HHLA1: variants seen among roughly 807,000 people sequenced by gnomAD.
HHLA1 encodes HERV-H LTR-associating protein 1.
A neutral mutation model predicts 69.9 loss-of-function variants in HHLA1; 72 were observed. The observed-to-expected ratio is 1.03, with a 90% CI of 0.85 to 1.25. HHLA1 has a LOEUF of 1.25. Among genes scored for constraint, HHLA1 ranks in the 50% most tolerant of loss-of-function variants. HHLA1 has a pLI of 0.00. For missense variants in HHLA1, 685 were observed against 642.2 expected (o/e 1.07, Z -0.72); for synonymous variants, 252 against 233.2 (o/e 1.08, Z -0.73).
chr8:132,073,908 A>G lies in HHLA1; in HGVS notation c.1315+2147T>C, dbSNP rs1325038940. On this transcript the variant is annotated intron_variant, in intron 14 of 16. Coordinates refer to ENST00000414222, the MANE Select transcript of HHLA1 (RefSeq NM_001145095.3). ...CTTTCCAGTCACCATCACCACTGGC[A>G]TCATTAGCACAACAGTCACCTCGCA... Among the ~76,000 whole-genome samples, 3 of 152,158 alleles carry G rather than the reference A, an allele frequency of 2.0e-5. No individual in the cohort carries two copies. In the East Asian group the frequency reaches 5.8e-4, roughly 29 times the overall value.
At chr8:132,087,214 A>G (rs1057394185) in intron 10 of HHLA1, among the ~76,000 whole-genome samples, 20 of 152,212 alleles carry the variant, frequency 1.3e-4, no homozygotes, top group African/African-American at 4.8e-4. Context: ...AGCATGCCCA[A>G]TGTGGCACAG....
chr8:132,079,874 T>G lies in HHLA1; in HGVS notation c.769A>C (p.Ser257Arg). The G allele has an allele frequency of 6.4e-7, 1 of 1,552,082 alleles. No homozygotes were observed. Among genetic ancestry groups the G allele is most frequent in the Non-Finnish European group, 8.7e-7 (1 of 1,147,060 alleles). The change falls in exon 11 of 17, where the codon AGC becomes CGC. Residue 257 changes from serine (S) to arginine (R), a missense_variant. Transcript: ENST00000414222. ...PSTSPGHWTQSTPWASALRSS... is the reference protein window; with the variant it reads ...PSTSPGHWTQRTPWASALRSS... ...CTCAGAGCAGATGCCCAGGGTGTGC[T>G]CTGGGTCCAGTGTCCGGGGCTTGTA...
At chr8:132,105,842 C>A (rs1294510070) in intron 1 of HHLA1, among the ~76,000 whole-genome samples, 1 of 152,188 alleles carries the variant, frequency 6.6e-6, no homozygotes, top group East Asian at 1.9e-4. Flanking sequence ...CCCTCAAATA[C>A]AGCATCACTT....
At position 132,105,282 on chromosome 8, in the gene HHLA1, C is replaced by T. The variant is rs1221996512; in HGVS notation, c.-17G>A. 6.5e-7 allele frequency: 1 copy of T among 1,549,472 alleles called. No homozygotes were observed. Among genetic ancestry groups the T allele is most frequent in the Non-Finnish European group, 8.7e-7 (1 of 1,144,898 alleles). On this transcript the variant is annotated 5_prime_UTR_variant, in exon 2 of 17. Transcript: ENST00000414222. ...GCCCAGCATGCTTGTGATACTCTGG[C>T]CCACCTGGAATGAAGCAAGCAAACA...
intron 1 of HHLA1, 40 bp from the exon 2 acceptor site, chr8:132,105,326 T>C: frequency 2.4e-6 from 3 of 1,258,330 alleles, no homozygotes; most frequent in Non-Finnish European, 2.3e-6. Context: ...ACTAAGCACA[T>C]GGATGCAGAC....
At chr8:132,067,877 C>T (rs1283230583) in intron 15 of HHLA1, among the ~76,000 whole-genome samples, 3 of 152,196 alleles carry the variant, frequency 2.0e-5, no homozygotes, top group Non-Finnish European at 4.4e-5. Context: ...CTCAAGACCA[C>T]ATAGCTTGTA....
chr8:132,092,537 G>A (rs1823963047), intron 7 of HHLA1, among the ~76,000 whole-genome samples: 1 of 152,200 alleles, frequency 6.6e-6, no homozygotes, highest in South Asian at 2.1e-4. Context: ...TCATGATAGT[G>A]AGTGAGTTAT....
chr8:132,103,430 C>A (rs1190217889), intron 3 of HHLA1, among the ~76,000 whole-genome samples: 3 of 152,086 alleles, frequency 2.0e-5, no homozygotes, highest in East Asian at 1.9e-4. Flanking sequence ...CCTGCCTGGG[C>A]AACATGGTGA....
Position 132,065,937 on chromosome 8 carries a change from T to G in HHLA1, c.1501A>C (p.Lys501Gln). ...CTCTGACAGATATATGTTGCATTCTTCAGAAACCAGGAATAGTATTCAAGA... is the reference window on the plus strand; with the variant it reads ...CTCTGACAGATATATGTTGCATTCTGCAGAAACCAGGAATAGTATTCAAGA... ...YCLEYYSWFL[K>Q]NATYICQRVK... The change falls in exon 16 of 17, where the codon AAG becomes CAG. Residue 501 changes from lysine (K) to glutamine (Q), a missense_variant. Physicochemically the swap from Lys to Gln is moderately conservative, Grantham distance 53. Coordinates refer to ENST00000414222, the MANE Select transcript of HHLA1 (RefSeq NM_001145095.3). The G allele has an allele frequency of 7.7e-7, 1 of 1,302,234 alleles. No individual in the cohort carries two copies. Among genetic ancestry groups the G allele is most frequent in the Non-Finnish European group, 1.0e-6 (1 of 986,050 alleles). The allele number at this position is 1,302,234 out of a possible 1,614,324, so 80.7% of individuals were successfully genotyped here.
At chr8:132,110,222 C>A (rs1824273626) in intron 1 of HHLA1, among the ~76,000 whole-genome samples, 1 of 152,148 alleles carries the variant, frequency 6.6e-6, no homozygotes, top group Non-Finnish European at 1.5e-5. Context: ...TGTGGGCTAG[C>A]CACAGTGAGT....
At chr8:132,110,989 A>G (rs1451451888) in intron 1 of HHLA1, 113 bp downstream of exon 1, 1 of 152,218 alleles carries the variant, frequency 6.6e-6, no homozygotes, top group East Asian at 1.9e-4. Flanking sequence ...ATCTTTCAGT[A>G]TCCAGGAGCC....
chr8:132,094,075 G>A (rs1823984346), intron 7 of HHLA1, among the ~76,000 whole-genome samples: 1 of 152,164 alleles, frequency 6.6e-6, no homozygotes, highest in African/African-American at 2.4e-5. Flanking sequence ...TTTATATTAA[G>A]AAAAACCTAG....
chr8:132,077,671 A>G (rs1823667267), intron 12 of HHLA1, 55 bp downstream of exon 12: 5 of 1,513,968 alleles, frequency 3.3e-6, no homozygotes, highest in Non-Finnish European at 2.7e-6. Context: ...ATCAAAACAG[A>G]CAATGCTAAG....
chr8:132,069,470 G>A (rs1823494348), intron 15 of HHLA1, among the ~76,000 whole-genome samples: 1 of 152,104 alleles, frequency 6.6e-6, no homozygotes, highest in Non-Finnish European at 1.5e-5. Context: ...CAGTGTATGA[G>A]TTTATGGAAA....
intron 10 of HHLA1, among the ~76,000 whole-genome samples, chr8:132,083,515 A>G (rs1018738895): frequency 9.2e-5 from 14 of 152,164 alleles, no homozygotes; most frequent in African/African-American, 2.7e-4. Context: ...CCGCTAAGCC[A>G]AGAAGATCTG....
chr8:132,078,250 G>A (rs1198508307), intron 11 of HHLA1, among the ~76,000 whole-genome samples: 1 of 151,430 alleles, frequency 6.6e-6, no homozygotes, highest in Non-Finnish European at 1.5e-5. Flanking sequence ...TGTGTGTTTG[G>A]GGGTCAGTTA....
At chr8:132,066,005 C>T (rs933138238) in intron 15 of HHLA1, 37 bp from the exon 16 acceptor site, 5 of 918,602 alleles carry the variant, frequency 5.4e-6, no homozygotes, top group African/African-American at 1.7e-5. Flanking sequence ...CAATAACTAT[C>T]CTGTGATGGC....
intron 15 of HHLA1, among the ~76,000 whole-genome samples, chr8:132,070,537 A>T (rs532593467): frequency 1.6e-4 from 24 of 152,240 alleles, no homozygotes; most frequent in Non-Finnish European, 2.9e-4. Flanking sequence ...TCAACACAAC[A>T]TATCTCAATA....
intron 10 of HHLA1, among the ~76,000 whole-genome samples, chr8:132,083,990 C>T (rs1823813278): frequency 1.3e-5 from 2 of 150,616 alleles, no homozygotes; most frequent in Non-Finnish European, 3.0e-5. Context: ...GGGTCTAGGG[C>T]TATAAAGTGT....
Sources: gnomAD v4.1 joint callset for allele counts (sites outside exome capture counted in the v4.1 genomes callset) on GRCh38, gnomAD v4.1.1 for gene constraint, MANE v1.5 for transcripts, NCBI Gene and HGNC (gene_info 2026-07-23, HGNC 2026-07-21) for gene names.